Variants in CELF2 observed in about 807,000 individuals in gnomAD.
CELF2 encodes CUG triplet repeat RNA-binding protein 2.
CELF2 carries 8 observed loss-of-function variants against 62.6 expected under a neutral mutation model. That is an observed-to-expected ratio of 0.13 (90% CI 0.07 to 0.23). The LOEUF is 0.23. CELF2 is among the 10% of genes least tolerant of loss of function. The pLI is 1.00. For missense variants in CELF2, 333 were observed against 671.0 expected, an observed-to-expected ratio of 0.50 and a Z score of 5.56; for synonymous variants, 258 against 250.0, an observed-to-expected ratio of 1.03 and a Z score of -0.30.
In CELF2 at chr10:10,924,331, C is replaced by T. The variant is rs187581310; in HGVS notation, c.89+4332C>T. ...AAAAAGATATAAACACAGTTTATAT[C>T]AACAGAGGTTTTACTGTAATCATGC... On this transcript the variant is annotated intron_variant, in intron 2 of 13. Coordinates refer to the CELF2 transcript ENST00000636488. Among the ~76,000 whole-genome samples the T allele has an allele frequency of 2.2e-3, 290 of 129,598 alleles. 4 individuals carry two copies. The highest frequency in any genetic ancestry group is 7.9e-3 in the African/African-American group (284 of 35,970). 85.0% of individuals were successfully genotyped at this position (129,598 alleles called of 152,430 possible). A position where few individuals can be genotyped will look rare whatever the true frequency, so the allele number is the denominator to read the frequency against.
chr10:10,634,160 A>G, the CELF2 span, among the ~76,000 whole-genome samples: 27 of 152,242 alleles, frequency 1.8e-4, no homozygotes, highest in Admixed American at 1.4e-3. Context: ...TCTTAAATCT[A>G]TATGATGCTA....
chr10:10,945,469 A>G (rs1233511634), intron 2 of CELF2, among the ~76,000 whole-genome samples: 1 of 152,164 alleles, frequency 6.6e-6, no homozygotes, highest in Non-Finnish European at 1.5e-5. Flanking sequence ...CCAGCTCTGC[A>G]CCGAGGCCTG....
Position 11,334,711 on chromosome 10 carries a change from G to A in CELF2, c.*5658G>A, listed in dbSNP as rs1162220318. ...CCTCCCTCATGAGTCTATCCACGCAGTTCTTAACATACATTCCAAACTGCT... is the reference window on the plus strand; with the variant it reads ...CCTCCCTCATGAGTCTATCCACGCAATTCTTAACATACATTCCAAACTGCT... On this transcript the variant is annotated 3_prime_UTR_variant, in exon 13 of 13. Transcript: ENST00000633077. 1 of 152,120 alleles carries A rather than the reference G, an allele frequency of 6.6e-6. No homozygotes were observed. The highest frequency in any genetic ancestry group is 2.4e-5 in the African/African-American group (1 of 41,406). 9.4% of individuals were successfully genotyped at this position (152,120 alleles called of 1,614,324 possible).
At chr10:10,727,333 A>G in the CELF2 span, among the ~76,000 whole-genome samples, 1 of 152,138 alleles carries the variant, frequency 6.6e-6, no homozygotes, top group Non-Finnish European at 1.5e-5. Context: ...ACCTGTCCTA[A>G]CTTTCTTAGA....
chr10:10,860,691 C>T (rs1204307760), intron 1 of CELF2, among the ~76,000 whole-genome samples: 1 of 152,194 alleles, frequency 6.6e-6, no homozygotes, highest in Non-Finnish European at 1.5e-5. Flanking sequence ...AGGAGAGGTT[C>T]ACAGGGCTTC....
chr10:11,024,759 A>G (rs186138812), intron 1 of CELF2, among the ~76,000 whole-genome samples: 9 of 152,320 alleles, frequency 5.9e-5, no homozygotes, highest in Non-Finnish European at 1.3e-4. Context: ...TACAAGCTCC[A>G]ATAGGACTGA....
intron 2 of CELF2, among the ~76,000 whole-genome samples, chr10:10,929,428 T>G (rs377216920): frequency 4.7e-4 from 71 of 152,356 alleles, no homozygotes; most frequent in African/African-American, 1.5e-3. Flanking sequence ...GCTGTTATCT[T>G]AGTTCACTGA....
chr10:10,595,832 G>A, the CELF2 span, among the ~76,000 whole-genome samples: 2 of 152,240 alleles, frequency 1.3e-5, no homozygotes, highest in African/African-American at 4.8e-5. Flanking sequence ...GGGGGTGGAG[G>A]TTGCAGTGAG....
intron 3 of CELF2, among the ~76,000 whole-genome samples, chr10:11,232,203 T>A (rs2068990352): frequency 6.6e-6 from 1 of 152,112 alleles, no homozygotes; most frequent in African/African-American, 2.4e-5. Context: ...CCATGTGTTC[T>A]CATTGTTCAG....
intron 10 of CELF2, chr10:11,320,749 C>T (rs2095393614): frequency 8.5e-7 from 1 of 1,173,884 alleles, no homozygotes; most frequent in Admixed American, 2.5e-5. Context: ...CTCAGCCCTG[C>T]AAGCTATCCC....
chr10:10,727,126 G>A, the CELF2 span, among the ~76,000 whole-genome samples: 12 of 152,144 alleles, frequency 7.9e-5, no homozygotes, highest in Non-Finnish European at 5.9e-5. Context: ...GCCAGGCCCC[G>A]CTTCCAATAC....
At chr10:10,475,231 C>T in the CELF2 span, among the ~76,000 whole-genome samples, 4 of 152,086 alleles carry the variant, frequency 2.6e-5, no homozygotes, top group South Asian at 4.2e-4. Flanking sequence ...ATTACATCCT[C>T]GCTCAAAATG....
At chr10:10,539,220 C>A in the CELF2 span, among the ~76,000 whole-genome samples, 1 of 152,140 alleles carries the variant, frequency 6.6e-6, no homozygotes, top group Non-Finnish European at 1.5e-5. Flanking sequence ...CTCATCTATA[C>A]AAAGAAAAAG....
At chr10:10,530,680 A>G in the CELF2 span, among the ~76,000 whole-genome samples, 2 of 152,226 alleles carry the variant, frequency 1.3e-5, no homozygotes, top group African/African-American at 4.8e-5. Context: ...CTGAGTTAAC[A>G]TAAAACTATC....
the CELF2 span, among the ~76,000 whole-genome samples, chr10:10,529,590 A>G: frequency 1.3e-5 from 2 of 148,780 alleles, no homozygotes; most frequent in Non-Finnish European, 3.0e-5. Flanking sequence ...AGGCTGAGGC[A>G]GGAGAATTAC....
In CELF2 at chr10:11,280,989, C is replaced by CGTGTGTGTGTGTGTGT. The variant is rs60798946; in HGVS notation, c.841+5886_841+5901dup. ...TGGCGTGCGTGTGCATGCCTGTGTG[C>CGTGTGTGTGTGTGTGT]GTGTGTGTGTGTGTGTGTGTGTGTG... On this transcript the variant is annotated intron_variant, in intron 8 of 12. Coordinates refer to ENST00000633077, the MANE Select transcript of CELF2 (RefSeq NM_001326342.2). This position sits in a 1 kb window ranked among gnomAD's most constrained non-coding sequence, Gnocchi z 7.6. Among the ~76,000 whole-genome samples, 289 of 144,506 alleles carry CGTGTGTGTGTGTGTGT rather than the reference C, an allele frequency of 2.0e-3. 2 individuals are homozygous for CGTGTGTGTGTGTGTGT. Among genetic ancestry groups the CGTGTGTGTGTGTGTGT allele is most frequent in the African/African-American group, 6.6e-3 (258 of 38,948 alleles). The allele number at this position is 144,506 out of a possible 152,430, so 94.8% of individuals were successfully genotyped here. A position where few individuals can be genotyped will look rare whatever the true frequency, so the allele number is the denominator to read the frequency against.
chr10:11,137,058 A>C (rs1034557046), intron 1 of CELF2, among the ~76,000 whole-genome samples: 2 of 152,230 alleles, frequency 1.3e-5, no homozygotes, highest in Non-Finnish European at 2.9e-5. Flanking sequence ...ACTATATGGC[A>C]TATATGTAAG....
At chr10:11,004,506 A>G (rs2137080267), upstream of CELF2, among the ~76,000 whole-genome samples, 1 of 152,122 alleles carries the variant, frequency 6.6e-6, no homozygotes, top group Non-Finnish European at 1.5e-5. The surrounding 1 kb of genome is among the most constrained non-coding windows in gnomAD (Gnocchi z 5.0). Flanking sequence ...CAGAAGTACA[A>G]TGTATATTTC....
intron 1 of CELF2, among the ~76,000 whole-genome samples, chr10:11,019,607 G>T (rs1429256224): frequency 6.6e-6 from 1 of 152,106 alleles, no homozygotes; most frequent in African/African-American, 2.4e-5. Context: ...AAAAGGAGGG[G>T]GGTGGAGGAG....
Sources: gnomAD v4.1 joint callset for allele counts (sites outside exome capture counted in the v4.1 genomes callset) on GRCh38, gnomAD v4.1.1 for gene constraint, Gnocchi (gnomAD v3.1) non-coding constraint, MANE v1.5 for transcripts, NCBI Gene and HGNC (gene_info 2026-07-23, HGNC 2026-07-21) for gene names.